Variants in CEP112 observed in about 807,000 individuals in gnomAD.
The protein encoded by CEP112 is centrosomal protein 112, also known as centrosomal protein of 112 kDa.
CEP112 carries 127 observed loss-of-function variants against 153.0 expected under a neutral mutation model. That is an observed-to-expected ratio of 0.83 (90% CI 0.72 to 0.96). CEP112 has a LOEUF of 0.96. CEP112 is among the 40% of genes least tolerant of loss of function. CEP112 has a pLI of 0.00. For missense variants in CEP112, 1,089 were observed against 1,101.2 expected (o/e 0.99, Z 0.16); for synonymous variants, 358 against 374.4 (o/e 0.96, Z 0.51).
At chr17:66,081,094 T>C (rs1282092958) in intron 8 of CEP112, among the ~76,000 whole-genome samples, 1 of 152,082 alleles carries the variant, frequency 6.6e-6, no homozygotes, top group Non-Finnish European at 1.5e-5. Context: ...CAAATCACCA[T>C]GGCAAGTGTA....
At chr17:65,850,221 CATT>C (rs1304664844) in intron 21 of CEP112, among the ~76,000 whole-genome samples, 1 of 148,338 alleles carries the variant, frequency 6.7e-6, no homozygotes, top group Non-Finnish European at 1.5e-5. Flanking sequence ...AGCATCGAGA[CATT>C]ATTATTTTAT....
At chr17:65,970,776 T>C (rs960855401) in intron 17 of CEP112, among the ~76,000 whole-genome samples, 13 of 43,806 alleles carry the variant, frequency 3.0e-4, no homozygotes, top group Admixed American at 2.3e-3. Flanking sequence ...ACATGTTACA[T>C]GCATGCATAA....
intron 20 of CEP112, among the ~76,000 whole-genome samples, chr17:65,874,359 C>T (rs190926755): frequency 5.0e-4 from 76 of 152,220 alleles, no homozygotes; most frequent in Non-Finnish European, 7.2e-4. Context: ...ATTCCAGTGA[C>T]GAGGGCACTT....
At chr17:65,977,427 T>G (rs1415687009) in intron 17 of CEP112, among the ~76,000 whole-genome samples, 1 of 152,172 alleles carries the variant, frequency 6.6e-6, no homozygotes, top group East Asian at 1.9e-4. Context: ...ATAGAGGCTT[T>G]AAAGTCAAAC....
intron 21 of CEP112, among the ~76,000 whole-genome samples, chr17:65,807,814 C>G (rs1455703023): frequency 6.6e-6 from 1 of 152,236 alleles, no homozygotes; most frequent in Non-Finnish European, 1.5e-5. Context: ...AAGTCTGTTG[C>G]AGGGGCAAAG....
intron 6 of CEP112, among the ~76,000 whole-genome samples, chr17:66,119,748 G>T (rs896246979): frequency 6.6e-6 from 1 of 152,330 alleles, no homozygotes; most frequent in African/African-American, 2.4e-5. Context: ...CATCACACTT[G>T]AGTAAATACT....
In CEP112 at chr17:66,113,566, T is replaced by G. The variant is rs560217330; in HGVS notation, c.642+16180A>C. 2.6e-5 allele frequency among the ~76,000 whole-genome samples: 4 copies of G among 152,306 alleles called. No homozygotes were observed. The East Asian group carries it at 7.7e-4, about 29-fold the overall frequency. On this transcript the variant is annotated intron_variant, in intron 6 of 26. Coordinates refer to ENST00000535342, the MANE Select transcript of CEP112 (RefSeq NM_001199165.4). ...GGTTCAGCTAATTACAATGCAGCATTTCAACTATGCAGAAGTAACTCCTAT... is the reference window on the plus strand; with the variant it reads ...GGTTCAGCTAATTACAATGCAGCATGTCAACTATGCAGAAGTAACTCCTAT...
chr17:65,671,728 G>T (rs530164854), intron 24 of CEP112, among the ~76,000 whole-genome samples: 1 of 152,194 alleles, frequency 6.6e-6, no homozygotes, highest in African/African-American at 2.4e-5. Flanking sequence ...TACATTCACT[G>T]CCCTCAGAGG....
intron 17 of CEP112, 131 bp downstream of exon 17, chr17:66,005,559 T>C (rs953252206): frequency 2.3e-5 from 26 of 1,122,878 alleles, no homozygotes; most frequent in Middle Eastern, 3.1e-4. Flanking sequence ...AGATTTGTGA[T>C]GGGAAACTGA....
chr17:65,655,623 G>A (rs2046025568), intron 24 of CEP112, among the ~76,000 whole-genome samples: 1 of 152,054 alleles, frequency 6.6e-6, no homozygotes, highest in Non-Finnish European at 1.5e-5. Context: ...ATAATTTACA[G>A]ATTTAGCTTT....
At chr17:65,748,995 T>C (rs1389166375) in intron 22 of CEP112, among the ~76,000 whole-genome samples, 1 of 152,244 alleles carries the variant, frequency 6.6e-6, no homozygotes, top group Non-Finnish European at 1.5e-5. Context: ...GGATTTTTAA[T>C]GTTTTAATTT....
chr17:65,870,987 T>C (rs978935323), intron 20 of CEP112, among the ~76,000 whole-genome samples: 3 of 152,184 alleles, frequency 2.0e-5, no homozygotes, highest in African/African-American at 7.2e-5. Flanking sequence ...AGTTCTGTAT[T>C]AGCTGCTCAA....
Position 65,902,256 on chromosome 17 carries a change from C to T in CEP112, c.2059G>A (p.Val687Ile). 1 of 1,614,002 alleles carries T rather than the reference C, an allele frequency of 6.2e-7. No homozygotes were observed. Among genetic ancestry groups the T allele is most frequent in the Non-Finnish European group, 8.5e-7 (1 of 1,179,984 alleles). ...TCAATTTCCCGTTCATGGTCTCGGA[C>T]TAGGCTATCCTTCTCTGCGTTATGC... Reference protein sequence around the residue: ...QQHNAEKDSLVRDHEREIENL... With the variant: ...QQHNAEKDSLIRDHEREIENL... Residue 687 changes from valine to isoleucine, a missense_variant, in exon 20 of 27, where the codon GTC becomes ATC. Transcript: ENST00000535342.
At chr17:65,899,011 T>C (rs965843935) in intron 20 of CEP112, among the ~76,000 whole-genome samples, 1 of 152,220 alleles carries the variant, frequency 6.6e-6, no homozygotes, top group African/African-American at 2.4e-5. Context: ...GGATAAACTA[T>C]AGAAATTCTT....
At chr17:65,666,410 G>C (rs140899842) in intron 24 of CEP112, among the ~76,000 whole-genome samples, 2 of 152,166 alleles carry the variant, frequency 1.3e-5, no homozygotes, top group African/African-American at 2.4e-5. Context: ...CATTACTGAC[G>C]ATCTGCTGAT....
intron 8 of CEP112, among the ~76,000 whole-genome samples, chr17:66,082,095 C>G (rs1220052694): frequency 6.6e-6 from 1 of 152,118 alleles, no homozygotes; most frequent in African/African-American, 2.4e-5. Context: ...AATCTTTCGC[C>G]TTTTACCAAA....
intron 20 of CEP112, among the ~76,000 whole-genome samples, chr17:65,869,455 T>TA (rs572927121): frequency 3.3e-5 from 5 of 152,210 alleles, no homozygotes; most frequent in Non-Finnish European, 5.9e-5. Flanking sequence ...AAGAATAGGT[T>TA]AGCTGTGGAA....
At chr17:65,731,707 T>C (rs1485967255) in intron 23 of CEP112, among the ~76,000 whole-genome samples, 3 of 152,244 alleles carry the variant, frequency 2.0e-5, no homozygotes, top group Non-Finnish European at 4.4e-5. Flanking sequence ...ACTAAGTTGA[T>C]ATAATATTCT....
intron 8 of CEP112, among the ~76,000 whole-genome samples, chr17:66,087,975 A>G (rs2068003107): frequency 6.6e-6 from 1 of 152,040 alleles, no homozygotes; most frequent in Non-Finnish European, 1.5e-5. Context: ...CCACCCTGGT[A>G]CAAGGAAAAA....
Sources: allele counts gnomAD v4.1 joint callset (sites outside exome capture counted in the v4.1 genomes callset), GRCh38; gene constraint gnomAD v4.1.1; transcripts MANE v1.5; gene names NCBI Gene and HGNC (gene_info 2026-07-23, HGNC 2026-07-21).